The following PITPNC1 variants were observed in gnomAD, a reference collection of about 807,000 sequenced individuals.
The protein encoded by PITPNC1 is cytoplasmic phosphatidylinositol transfer protein 1.
PITPNC1 carries 18 observed loss-of-function variants against 44.7 expected under a neutral mutation model. The observed-to-expected ratio is 0.40, with a 90% CI of 0.28 to 0.60. The LOEUF (loss-of-function observed/expected upper bound fraction) is 0.60, where lower values mean the gene tolerates loss of function less well. Among genes scored for constraint, PITPNC1 ranks in the 20% least tolerant of loss-of-function variants. The pLI is 0.39. For synonymous variants in PITPNC1, 141 were observed against 149.6 expected, an observed-to-expected ratio of 0.94 and a Z score of 0.42; for missense variants, 290 against 418.4, an observed-to-expected ratio of 0.69 and a Z score of 2.68.
chr17:67,532,719 G>T, intron 1 of PITPNC1, 83 bp from the exon 2 acceptor site: 4 of 1,129,954 alleles, frequency 3.5e-6, no homozygotes, highest in Non-Finnish European at 5.0e-6. Context: ...GATGTTATTA[G>T]TGGCTTGCCA....
intron 1 of PITPNC1, chr17:67,408,999 C>T (rs888502230): frequency 6.7e-6 from 1 of 149,140 alleles, no homozygotes; most frequent in Non-Finnish European, 1.5e-5. Flanking sequence ...AGTTTCAGCT[C>T]TTACATTTAG....
At chr17:67,455,464 G>T (rs1048607825) in intron 1 of PITPNC1, among the ~76,000 whole-genome samples, 1 of 151,870 alleles carries the variant, frequency 6.6e-6, no homozygotes, top group African/African-American at 2.4e-5. Context: ...ACAGACTCTC[G>T]CTCTGGAGTG....
At chr17:67,661,147 C>T (rs1293370104) in intron 6 of PITPNC1, among the ~76,000 whole-genome samples, 7 of 151,518 alleles carry the variant, frequency 4.6e-5, no homozygotes, top group Non-Finnish European at 8.8e-5. Context: ...CACGCCCAGT[C>T]GAATCACATT....
chr17:67,396,739 G>C (rs1250008140), intron 1 of PITPNC1, among the ~76,000 whole-genome samples: 1 of 151,908 alleles, frequency 6.6e-6, no homozygotes, highest in African/African-American at 2.4e-5. Context: ...ATCACTGCTC[G>C]CTGCAGCCTT....
intron 1 of PITPNC1, among the ~76,000 whole-genome samples, chr17:67,476,167 G>A (rs1358799955): frequency 1.3e-5 from 2 of 151,426 alleles, no homozygotes; most frequent in African/African-American, 4.9e-5. Context: ...CAGATTCCTA[G>A]AGACTAAATT....
chr17:67,603,424 C>T (rs2041567871), intron 5 of PITPNC1, among the ~76,000 whole-genome samples: 1 of 152,200 alleles, frequency 6.6e-6, no homozygotes, highest in Non-Finnish European at 1.5e-5. Context: ...TCTTGCCAAC[C>T]TGTCTTTAGA....
chr17:67,556,448 G>A (rs192715123), intron 4 of PITPNC1, among the ~76,000 whole-genome samples: 103 of 152,306 alleles, frequency 6.8e-4, no homozygotes, highest in Non-Finnish European at 1.3e-3. Flanking sequence ...CCAAAAGATT[G>A]TTGTCTCATA....
At chr17:67,440,409 C>T (rs1166949755) in intron 1 of PITPNC1, among the ~76,000 whole-genome samples, 1 of 152,094 alleles carries the variant, frequency 6.6e-6, no homozygotes, top group African/African-American at 2.4e-5. Context: ...AATCCAAACT[C>T]TGTTATGACC....
chr17:67,593,997 A>G (rs1396520710), intron 5 of PITPNC1, among the ~76,000 whole-genome samples: 1 of 152,186 alleles, frequency 6.6e-6, no homozygotes, highest in African/African-American at 2.4e-5. Flanking sequence ...TGGATTGCTC[A>G]TGACAGAGGA....
At chr17:67,591,075 T>C (rs1036642094) in intron 5 of PITPNC1, among the ~76,000 whole-genome samples, 1 of 152,170 alleles carries the variant, frequency 6.6e-6, no homozygotes, top group Non-Finnish European at 1.5e-5. Flanking sequence ...AGAAATGATA[T>C]GATGTGCTGA....
intron 1 of PITPNC1, among the ~76,000 whole-genome samples, chr17:67,405,951 C>A (rs1271633759): frequency 6.6e-6 from 1 of 152,112 alleles, no homozygotes; most frequent in African/African-American, 2.4e-5. Flanking sequence ...CCCAGACCTT[C>A]TGTACATATG....
rs949275395 is a variant in PITPNC1, at chr17:67,389,840, C to T, written c.48+11638C>T. ...GACTACAGGCACGTGCCACCACGCC[C>T]GGCTAATTGTTTGTATTTTTAGTAG... On this transcript the variant is annotated intron_variant, in intron 1 of 8. Coordinates refer to ENST00000581322, the MANE Select transcript of PITPNC1 (RefSeq NM_012417.4). Among the ~76,000 whole-genome samples, 8 of 151,990 alleles carry T rather than the reference C, an allele frequency of 5.3e-5. No homozygotes were observed. The East Asian group carries it at 1.2e-3, about 22-fold the overall frequency.
At chr17:67,409,379 C>T (rs1030584172) in intron 1 of PITPNC1, among the ~76,000 whole-genome samples, 11 of 152,056 alleles carry the variant, frequency 7.2e-5, no homozygotes, top group East Asian at 2.0e-4. Flanking sequence ...CCACCGCGCC[C>T]GGCCCCAAAT....
chr17:67,656,926 ATGT>A (rs2042275609), intron 6 of PITPNC1, among the ~76,000 whole-genome samples: 1 of 152,346 alleles, frequency 6.6e-6, no homozygotes, highest in South Asian at 2.1e-4. Context: ...ATATTTGGAA[ATGT>A]TGTAAGAGAG....
intron 6 of PITPNC1, 75 bp downstream of exon 6, chr17:67,632,313 T>C: frequency 5.4e-6 from 5 of 929,626 alleles, no homozygotes; most frequent in Non-Finnish European, 8.8e-6. Flanking sequence ...AAGTGCCTCC[T>C]AACTTGGGAG....
intron 1 of PITPNC1, among the ~76,000 whole-genome samples, chr17:67,434,381 A>T (rs2038901887): frequency 6.6e-6 from 1 of 152,208 alleles, no homozygotes; most frequent in South Asian, 2.1e-4. Context: ...CTGAGCAGCA[A>T]GAGGAAGCCT....
At chr17:67,509,595 T>TAAAA (rs2040154314) in intron 1 of PITPNC1, among the ~76,000 whole-genome samples, 4 of 149,152 alleles carry the variant, frequency 2.7e-5, no homozygotes, top group African/African-American at 4.9e-5. Flanking sequence ...AATAAATAAA[T>TAAAA]AAATAAAACG....
At chr17:67,527,423 G>A (rs370412062) in intron 1 of PITPNC1, among the ~76,000 whole-genome samples, 4 of 152,216 alleles carry the variant, frequency 2.6e-5, no homozygotes, top group South Asian at 4.1e-4. Flanking sequence ...GAACATAGGC[G>A]GCCGGGTGTA....
At chr17:67,631,365 C>T (rs1279841758) in intron 5 of PITPNC1, among the ~76,000 whole-genome samples, 2 of 148,728 alleles carry the variant, frequency 1.3e-5, no homozygotes, top group African/African-American at 4.9e-5. Flanking sequence ...CGCGGTGGCT[C>T]ACGCCTGTAA....
Sources: allele counts gnomAD v4.1 joint callset (sites outside exome capture counted in the v4.1 genomes callset), GRCh38; gene constraint gnomAD v4.1.1; transcripts MANE v1.5; gene names NCBI Gene and HGNC (gene_info 2026-07-23, HGNC 2026-07-21).